Variants in SLC8A3 observed in about 807,000 individuals in gnomAD.
SLC8A3 encodes solute carrier family 8 member A3.
Under a neutral mutation model 65.4 loss-of-function variants are expected in SLC8A3, and 37 were observed. That is an observed-to-expected ratio of 0.57 (90% CI 0.44 to 0.74). The LOEUF is 0.74. Among genes scored for constraint, SLC8A3 ranks in the 30% least tolerant of loss-of-function variants. The probability of loss-of-function intolerance (pLI) is 0.00; values close to 1 mark genes in which losing one functional copy is unlikely to be tolerated. For missense variants in SLC8A3, 1,112 were observed against 1,172.1 expected (o/e 0.95, Z 0.75); for synonymous variants, 461 against 444.5 (o/e 1.04, Z -0.47).
intron 2 of SLC8A3, among the ~76,000 whole-genome samples, chr14:70,151,932 T>A (rs1045259740): frequency 2.6e-5 from 4 of 152,086 alleles, no homozygotes; most frequent in African/African-American, 4.8e-5. Flanking sequence ...TATAACCTCA[T>A]CATAACTATT....
At chr14:70,121,956 G>T (rs770933035) in intron 2 of SLC8A3, among the ~76,000 whole-genome samples, 3 of 152,138 alleles carry the variant, frequency 2.0e-5, no homozygotes, top group Non-Finnish European at 4.4e-5. Context: ...GCAAGAAAAA[G>T]GGCCATGGCC....
At chr14:70,089,392 G>T (rs963310893) in intron 2 of SLC8A3, among the ~76,000 whole-genome samples, 10 of 152,190 alleles carry the variant, frequency 6.6e-5, no homozygotes, top group African/African-American at 2.4e-4. Flanking sequence ...GCTCATAAAT[G>T]CTTATGAAAT....
chr14:70,089,256 T>G (rs968274635), intron 2 of SLC8A3, among the ~76,000 whole-genome samples: 10 of 152,156 alleles, frequency 6.6e-5, no homozygotes, highest in Non-Finnish European at 5.9e-5. Flanking sequence ...TTAGACTGAT[T>G]TGGGGAGCCT....
chr14:70,188,100 C>T (rs1330342820), intron 1 of SLC8A3, among the ~76,000 whole-genome samples: 1 of 152,158 alleles, frequency 6.6e-6, no homozygotes, highest in Non-Finnish European at 1.5e-5. Flanking sequence ...CTCTGCCCCT[C>T]CCCACCCGGC....
At chr14:70,060,681 A>T (rs770981908) in intron 3 of SLC8A3, 155 bp downstream of exon 3, 7 of 756,030 alleles carry the variant, frequency 9.3e-6, no homozygotes, top group East Asian at 2.5e-5. Flanking sequence ...GGAAAAGAAT[A>T]AAAAAATCCA....
At chr14:70,151,366 G>A (rs1896265891) in intron 2 of SLC8A3, among the ~76,000 whole-genome samples, 1 of 152,198 alleles carries the variant, frequency 6.6e-6, no homozygotes, top group Admixed American at 6.5e-5. Context: ...ACAGATTGGG[G>A]TATGTGGCTT....
At chr14:70,140,658 A>T (rs1895507741) in intron 2 of SLC8A3, among the ~76,000 whole-genome samples, 1 of 152,230 alleles carries the variant, frequency 6.6e-6, no homozygotes, top group Non-Finnish European at 1.5e-5. Context: ...ATGATTTGGT[A>T]AGAATATTTT....
At chr14:70,049,120 C>A (rs553786747) in intron 5 of SLC8A3, 78 bp from the exon 6 acceptor site, 246 of 1,378,082 alleles carry the variant, frequency 1.8e-4, no homozygotes, top group Non-Finnish European at 5.6e-5. Context: ...GCCCAACCCG[C>A]ACCACAGGCA....
chr14:70,072,688 C>T (rs1367760871), intron 2 of SLC8A3, among the ~76,000 whole-genome samples: 3 of 152,164 alleles, frequency 2.0e-5, no homozygotes, highest in Non-Finnish European at 4.4e-5. Context: ...AGCTCTCTCA[C>T]CCAGGCTGAA....
rs539529097 is a variant in SLC8A3, at chr14:70,174,547, G to T, written c.-62-6063C>A. ...TTAGACTCCCACAGAGACCTCAGAG[G>T]ATAAGAGAATAAGCTAGGAGGGGGT... is the stretch of plus-strand genomic sequence containing the variant. On this transcript the variant is annotated intron_variant, in intron 1 of 6. Coordinates refer to ENST00000356921, the MANE Select transcript of SLC8A3 (RefSeq NM_182932.3). Among the ~76,000 whole-genome samples the T allele has an allele frequency of 3.3e-5, 5 of 151,618 alleles. No individual in the cohort carries two copies. In the East Asian group the frequency reaches 9.7e-4, roughly 29 times the overall value.
At chr14:70,060,017 T>C (rs892271031) in intron 3 of SLC8A3, among the ~76,000 whole-genome samples, 2 of 152,146 alleles carry the variant, frequency 1.3e-5, no homozygotes, top group African/African-American at 4.8e-5. Context: ...TAGAATGGCA[T>C]GGGGTGGGAT....
intron 2 of SLC8A3, among the ~76,000 whole-genome samples, chr14:70,113,487 A>G (rs927647504): frequency 2.0e-5 from 3 of 152,248 alleles, no homozygotes; most frequent in Admixed American, 2.0e-4. Flanking sequence ...TGGCCTGACC[A>G]GTACACGCAG....
chr14:70,049,902 C>A (rs1030458373), intron 5 of SLC8A3, among the ~76,000 whole-genome samples: 4 of 152,202 alleles, frequency 2.6e-5, no homozygotes, highest in Non-Finnish European at 5.9e-5. Context: ...ATTGTCCTTG[C>A]CAGGAAATGT....
intron 2 of SLC8A3, among the ~76,000 whole-genome samples, chr14:70,131,011 A>G (rs1364998542): frequency 6.6e-6 from 1 of 152,252 alleles, no homozygotes; most frequent in Non-Finnish European, 1.5e-5. Flanking sequence ...TTGTACAACA[A>G]GAAAGCAGGG....
chr14:70,048,355 T>C, intron 6 of SLC8A3: 1 of 461,008 alleles, frequency 2.2e-6, no homozygotes, highest in Non-Finnish European at 3.8e-6. Flanking sequence ...AATATCTACA[T>C]TCTTTTAATT....
chr14:70,065,874 G>A lies in SLC8A3; in HGVS notation c.1785-4935C>T, dbSNP rs1236308126. ...AAATCAGGTCATGAAAGGTTTGGAT[G>A]AAACAGTATGATAAATCCTAAATGG... On this transcript the variant is annotated intron_variant, in intron 2 of 6. Transcript: ENST00000356921. Among the ~76,000 whole-genome samples, 3 of 152,330 alleles carry A rather than the reference G, an allele frequency of 2.0e-5. No homozygotes were observed. The East Asian group carries it at 5.8e-4, about 29-fold the overall frequency.
chr14:70,110,529 T>C (rs1566786221), intron 2 of SLC8A3, among the ~76,000 whole-genome samples: 1 of 151,872 alleles, frequency 6.6e-6, no homozygotes, highest in Non-Finnish European at 1.5e-5. Flanking sequence ...ATCTCATTCT[T>C]TTTTTTTATT....
chr14:70,183,870 T>C (rs755689695), intron 1 of SLC8A3, among the ~76,000 whole-genome samples: 1 of 152,136 alleles, frequency 6.6e-6, no homozygotes, highest in Non-Finnish European at 1.5e-5. Flanking sequence ...GATAGAAAAG[T>C]GCAAGTTAAC....
chr14:70,091,516 G>A (rs1891802309), intron 2 of SLC8A3, among the ~76,000 whole-genome samples: 1 of 151,984 alleles, frequency 6.6e-6, no homozygotes, highest in Admixed American at 6.6e-5. Flanking sequence ...TCTTGAAGCT[G>A]GTACTTGAAT....
Sources: allele counts gnomAD v4.1 joint callset (sites outside exome capture counted in the v4.1 genomes callset), GRCh38; gene constraint gnomAD v4.1.1; transcripts MANE v1.5; gene names NCBI Gene and HGNC (gene_info 2026-07-23, HGNC 2026-07-21).